Variants in SNX31 observed in about 807,000 individuals in gnomAD.
SNX31 encodes sorting nexin 31.
In SNX31, 58 loss-of-function variants were observed where a neutral mutation model predicts 65.4. The ratio of observed to expected loss-of-function variants is 0.89; its 90% CI spans 0.72 to 1.10. The LOEUF (loss-of-function observed/expected upper bound fraction) is 1.10, where lower values mean the gene tolerates loss of function less well. Among genes scored for constraint, SNX31 ranks in the 50% least tolerant of loss-of-function variants. The pLI is 0.00. For synonymous variants in SNX31, 181 were observed against 190.1 expected (o/e 0.95, Z 0.39); for missense variants, 523 against 529.7 (o/e 0.99, Z 0.12).
intron 7 of SNX31, among the ~76,000 whole-genome samples, chr8:100,608,957 A>G (rs1816452435): frequency 1.3e-5 from 2 of 151,956 alleles, no homozygotes; most frequent in Non-Finnish European, 2.9e-5. Context: ...GGCCACCCTC[A>G]TCTCTTGCCT....
At chr8:100,654,428 C>A (rs1224002074), upstream of SNX31, among the ~76,000 whole-genome samples, 1 of 152,234 alleles carries the variant, frequency 6.6e-6, no homozygotes, top group African/African-American at 2.4e-5. Context: ...TCCAGGCTGC[C>A]TGGAAAGTCT....
chr8:100,648,223 A>T lies in SNX31; in HGVS notation c.141+1051T>A, dbSNP rs1819773429. Among the ~76,000 whole-genome samples, 1 of 152,082 alleles carries T rather than the reference A, an allele frequency of 6.6e-6. No individual in the cohort carries two copies. Among genetic ancestry groups the T allele is most frequent in the Admixed American group, 6.6e-5 (1 of 15,266 alleles). The stretch of plus-strand genomic sequence containing the variant: ...AAATGAAACATGGTGTATCTAACTC[A>T]CTAGAAACCCAGAGACTGTCTGAAA... On this transcript the variant is annotated intron_variant, in intron 2 of 13. Transcript: ENST00000311812. The surrounding 1 kb of genome is among the most constrained non-coding windows in gnomAD (Gnocchi z 4.3).
At chr8:100,605,462 T>TC (rs1816061713) in intron 8 of SNX31, among the ~76,000 whole-genome samples, 1 of 152,180 alleles carries the variant, frequency 6.6e-6, no homozygotes, top group East Asian at 1.9e-4. Context: ...ATAAAGATTA[T>TC]TATGACATCA....
At chr8:100,616,793 T>C (rs1054431861) in intron 5 of SNX31, among the ~76,000 whole-genome samples, 9 of 152,252 alleles carry the variant, frequency 5.9e-5, no homozygotes, top group African/African-American at 2.2e-4. Context: ...ATGGGAGTGC[T>C]TCCGTTTCTC....
At chr8:100,653,492 G>A, upstream of SNX31, among the ~76,000 whole-genome samples, 1 of 152,220 alleles carries the variant, frequency 6.6e-6, no homozygotes, top group Non-Finnish European at 1.5e-5. Flanking sequence ...CAGAGACACA[G>A]AGGAGAAGGC....
intron 10 of SNX31, among the ~76,000 whole-genome samples, chr8:100,591,341 A>G (rs1449042070): frequency 2.0e-5 from 3 of 152,086 alleles, no homozygotes; most frequent in Non-Finnish European, 2.9e-5. Flanking sequence ...TTACTCTGCA[A>G]CTTCATCAAG....
intron 9 of SNX31, among the ~76,000 whole-genome samples, chr8:100,598,163 C>T (rs944969608): frequency 3.9e-5 from 6 of 152,180 alleles, no homozygotes; most frequent in Non-Finnish European, 5.9e-5. Flanking sequence ...GTATTCAAAG[C>T]CACTGTCCCA....
chr8:100,642,033 C>A (rs1194989162), intron 2 of SNX31, among the ~76,000 whole-genome samples: 10 of 151,892 alleles, frequency 6.6e-5, no homozygotes, highest in African/African-American at 1.9e-4. Context: ...GAGCCGAGAT[C>A]GCGCCACTGC....
chr8:100,593,084 G>A (rs984081193), intron 10 of SNX31, among the ~76,000 whole-genome samples: 2 of 152,170 alleles, frequency 1.3e-5, no homozygotes, highest in African/African-American at 4.8e-5. Flanking sequence ...AGGTGATAAA[G>A]TGTTCTAAAA....
At position 100,632,246 on chromosome 8, in the gene SNX31, C is replaced by A. The variant is rs72679785; in HGVS notation, c.257-1855G>T. 3.9e-5 allele frequency among the ~76,000 whole-genome samples: 6 copies of A among 152,100 alleles called. No homozygotes were observed. The South Asian group carries it at 1.2e-3, about 32-fold the overall frequency. On this transcript the variant is annotated intron_variant, in intron 3 of 13. Transcript: ENST00000311812. ...GCCTGGAAAAGCGAACCCTCAAGCA[C>A]GGTGATCATCTGTGAAAAGGCCAGG...
At chr8:100,627,943 A>G (rs1001750944) in intron 4 of SNX31, among the ~76,000 whole-genome samples, 5 of 152,250 alleles carry the variant, frequency 3.3e-5, no homozygotes, top group Admixed American at 2.6e-4. Flanking sequence ...ATGAACAGAC[A>G]CTTCTCAAAA....
chr8:100,579,140 A>G (rs1308141069), intron 12 of SNX31, among the ~76,000 whole-genome samples: 2 of 152,154 alleles, frequency 1.3e-5, no homozygotes, highest in Non-Finnish European at 2.9e-5. Context: ...GGGTCCATAA[A>G]TAGTCTTGCA....
rs1809809270 is a variant in SNX31, at chr8:100,662,802, G to GGA, written c.-58+338_-58+339dup. Among the ~76,000 whole-genome samples the GGA allele has an allele frequency of 3.3e-5, 5 of 152,294 alleles. No individual in the cohort carries two copies. In the South Asian group the frequency reaches 1.0e-3, roughly 32 times the overall value. On this transcript the variant is annotated intron_variant, in intron 1 of 5. Transcript: ENST00000520352. The stretch of plus-strand genomic sequence containing the variant: ...TATCAATTTCAGCTGTTGCTTGAAT[G>GGA]GAGAGCATTTTGAGGTAGGAATTTG...
chr8:100,658,344 A>G (rs1809706453), intron 1 of SNX31, among the ~76,000 whole-genome samples: 1 of 152,222 alleles, frequency 6.6e-6, no homozygotes, highest in Non-Finnish European at 1.5e-5. Flanking sequence ...ACTGCAGTGA[A>G]ACATTGCCTG....
chr8:100,613,058 G>T lies in SNX31; in HGVS notation c.460C>A (p.Arg154=), dbSNP rs141423298. 3 of 1,613,926 alleles carry T rather than the reference G, an allele frequency of 1.9e-6. No individual in the cohort carries two copies. Among genetic ancestry groups the T allele is most frequent in the Non-Finnish European group, 2.5e-6 (3 of 1,179,968 alleles). The change falls in exon 6 of 14, where the codon CGA becomes AGA. Residue 154 remains arginine, a synonymous_variant. Coordinates refer to ENST00000311812, the MANE Select transcript of SNX31 (RefSeq NM_152628.4). The surrounding 1 kb of genome is among the most constrained non-coding windows in gnomAD (Gnocchi z 5.2). ...EVVSHKIGLC[R]ELLGYFGLFL... ...AGGCCGAAGTAGCCCAAGAGCTCTC[G>T]ACACAGTCCAATTTTGTGTGACACC...
Position 100,573,782 on chromosome 8 carries a change from G to A in SNX31, c.*83C>T. 1 of 896,114 alleles carries A rather than the reference G, an allele frequency of 1.1e-6. No homozygotes were observed. Among genetic ancestry groups the A allele is most frequent in the East Asian group, 2.6e-5 (1 of 38,504 alleles). 55.5% of individuals were successfully genotyped at this position (896,114 alleles called of 1,614,324 possible). On this transcript the variant is annotated 3_prime_UTR_variant, in exon 14 of 14. Transcript: ENST00000311812. ...AAGAGGTCAAATTTCCTCCACTGAT[G>A]GTAGGTAGCCCACCTGAATCCCCAA...
chr8:100,622,144 T>C lies in SNX31; in HGVS notation c.322-4414A>G, dbSNP rs539617030. ...TACCTTCTCCACTCTAAATGCTTAT[T>C]TGTAGAATGTTGTTGGCTTTTTTTT... On this transcript the variant is annotated intron_variant, in intron 4 of 13. Transcript: ENST00000311812. This position sits in a 1 kb window ranked among gnomAD's most constrained non-coding sequence, Gnocchi z 5.0. 6.6e-6 allele frequency among the ~76,000 whole-genome samples: 1 copy of C among 152,320 alleles called. No individual in the cohort carries two copies.
chr8:100,596,894 A>G (rs1815147762), intron 9 of SNX31, 52 bp from the exon 10 acceptor site: 6 of 1,471,532 alleles, frequency 4.1e-6, no homozygotes, highest in Non-Finnish European at 5.7e-6. Flanking sequence ...GAAGCAAAAG[A>G]CCACTTGAAA....
At position 100,613,089 on chromosome 8, in the gene SNX31, T is replaced by C; in HGVS notation, c.433-4A>G. On this transcript the variant is annotated splice_region_variant and splice_polypyrimidine_tract_variant and intron_variant, in intron 5 of 13. Coordinates refer to ENST00000311812, the MANE Select transcript of SNX31 (RefSeq NM_152628.4). This position sits in a 1 kb window ranked among gnomAD's most constrained non-coding sequence, Gnocchi z 5.2. Reference sequence around the variant, plus strand: ...GTCCAATTTTGTGTGACACCACCTTTAACCAGAAACAAGCAGAAAGGGAAA... The same window carrying C: ...GTCCAATTTTGTGTGACACCACCTTCAACCAGAAACAAGCAGAAAGGGAAA... 1 of 1,613,412 alleles carries C rather than the reference T, an allele frequency of 6.2e-7. No homozygotes were observed. Among genetic ancestry groups the C allele is most frequent in the East Asian group, 2.2e-5 (1 of 44,866 alleles).
Sources: gnomAD v4.1 joint callset for allele counts (sites outside exome capture counted in the v4.1 genomes callset) on GRCh38, gnomAD v4.1.1 for gene constraint, Gnocchi (gnomAD v3.1) non-coding constraint, MANE v1.5 for transcripts, NCBI Gene and HGNC (gene_info 2026-07-23, HGNC 2026-07-21) for gene names.